FXN: variants seen among roughly 807,000 people sequenced by gnomAD.
FXN encodes the protein frataxin, mitochondrial.
A neutral mutation model predicts 22.4 loss-of-function variants in FXN; 14 were observed. The observed-to-expected ratio is 0.62, with a 90% CI of 0.41 to 0.98. The LOEUF is 0.98. FXN is among the 50% of genes least tolerant of loss of function. The pLI, the probability that FXN is intolerant of heterozygous loss-of-function variation, is 0.00. For synonymous variants in FXN, 120 were observed against 114.1 expected (o/e 1.05, Z -0.33); for missense variants, 267 against 268.4 (o/e 0.99, Z 0.04).
At chr9:69,055,319 G>A (rs1831935955) in intron 3 of FXN, among the ~76,000 whole-genome samples, 1 of 152,102 alleles carries the variant, frequency 6.6e-6, no homozygotes, top group Admixed American at 6.5e-5. Flanking sequence ...CCAAGTTGCA[G>A]GCTAAACTCT....
intron 1 of FXN, among the ~76,000 whole-genome samples, chr9:69,045,869 G>A (rs552240680): frequency 2.6e-5 from 4 of 152,252 alleles, no homozygotes; most frequent in Admixed American, 1.3e-4. Context: ...TGCTAGTTCC[G>A]TGCATACTCT....
chr9:69,065,848 T>C (rs1471852242), intron 4 of FXN, among the ~76,000 whole-genome samples: 2 of 152,256 alleles, frequency 1.3e-5, no homozygotes, highest in Non-Finnish European at 2.9e-5. Flanking sequence ...AAGTTAAAGT[T>C]TGACCTCTAC....
chr9:69,053,632 C>T (rs1831901277), intron 3 of FXN, among the ~76,000 whole-genome samples: 1 of 152,174 alleles, frequency 6.6e-6, no homozygotes, highest in Non-Finnish European at 1.5e-5. Flanking sequence ...GTCACTCAGC[C>T]TCTCTGAGCC....
At chr9:69,040,946 G>T (rs1190783498) in intron 1 of FXN, among the ~76,000 whole-genome samples, 1 of 152,162 alleles carries the variant, frequency 6.6e-6, no homozygotes, top group Non-Finnish European at 1.5e-5. Flanking sequence ...AGCTGTTGGT[G>T]CATTGATCTT....
chr9:69,066,574 C>T (rs1299963447), intron 4 of FXN, among the ~76,000 whole-genome samples: 1 of 152,142 alleles, frequency 6.6e-6, no homozygotes, highest in African/African-American at 2.4e-5. Flanking sequence ...CTCAGTCATT[C>T]TTCCTGACCC....
chr9:69,078,760 G>A lies in FXN; in HGVS notation c.*5998G>A, dbSNP rs147104515. On this transcript the variant is annotated 3_prime_UTR_variant, in exon 5 of 5. Coordinates refer to ENST00000484259, the MANE Select transcript of FXN (RefSeq NM_000144.5). ...TATTCCCCACATCTCTGCCTGGGGG[G>A]TAGATTCTACCCTGAAAAATGTTCT... is the stretch of plus-strand genomic sequence containing the variant. The A allele has an allele frequency of 9.2e-5, 91 of 985,588 alleles. No individual in the cohort carries two copies. The African/African-American group carries it at 1.5e-3, about 16-fold the overall frequency. The allele number at this position is 985,588 out of a possible 1,614,324, so 61.1% of individuals were successfully genotyped here. A position where few individuals can be genotyped will look rare whatever the true frequency, so the allele number is the denominator to read the frequency against.
Position 69,074,532 on chromosome 9 carries a change from A to G in FXN, c.*1770A>G. ...GAGACTCCGTCTCAAAAAAAAAAAA[A>G]AGGAGGGTTTATTAATGAGAAGTTT... is the stretch of plus-strand genomic sequence containing the variant. On this transcript the variant is annotated 3_prime_UTR_variant, in exon 5 of 5. Transcript: ENST00000484259. The G allele has an allele frequency of 1.1e-6, 1 of 943,720 alleles. No individual in the cohort carries two copies. The highest frequency in any genetic ancestry group is 1.3e-6 in the Non-Finnish European group (1 of 794,370). 58.5% of individuals were successfully genotyped at this position (943,720 alleles called of 1,614,324 possible).
rs1322379015 is a variant in FXN, at chr9:69,048,681, C to G, written c.263+2199C>G. Among the ~76,000 whole-genome samples the G allele has an allele frequency of 2.6e-5, 4 of 152,156 alleles. No individual in the cohort carries two copies. The East Asian group carries it at 7.7e-4, about 29-fold the overall frequency. ...TGTGCAGCCTTTTATCTCCAATGCT[C>G]CATTTCATTCCATCTCCTGGCTTAT... On this transcript the variant is annotated intron_variant, in intron 2 of 4. Transcript: ENST00000484259.
At chr9:69,063,975 C>G (rs925916264) in intron 3 of FXN, among the ~76,000 whole-genome samples, 1 of 152,208 alleles carries the variant, frequency 6.6e-6, no homozygotes, top group Non-Finnish European at 1.5e-5. Context: ...TGAGCCATGC[C>G]TGGCCTAAAT....
chr9:69,078,385 G>A lies in FXN; in HGVS notation c.*5623G>A. 2 of 985,412 alleles carry A rather than the reference G, an allele frequency of 2.0e-6. No homozygotes were observed. Among genetic ancestry groups the A allele is most frequent in the Non-Finnish European group, 2.4e-6 (2 of 829,962 alleles). 61.0% of individuals were successfully genotyped at this position (985,412 alleles called of 1,614,324 possible). A position where few individuals can be genotyped will look rare whatever the true frequency, so the allele number is the denominator to read the frequency against. ...CTGCCCTCTCCTGCCCGTCCCCAGT[G>A]GAGGTCCTCATCATTTTTCACCTGC... On this transcript the variant is annotated 3_prime_UTR_variant, in exon 5 of 5. Coordinates refer to ENST00000484259, the MANE Select transcript of FXN (RefSeq NM_000144.5).
intron 4 of FXN, chr9:69,071,229 T>C (rs746961433): frequency 1.9e-5 from 10 of 518,942 alleles, no homozygotes; most frequent in South Asian, 1.4e-4. Flanking sequence ...CTTGGTGTGG[T>C]TTATTAGTCC....
chr9:69,070,876 G>T (rs1832261425), intron 4 of FXN, among the ~76,000 whole-genome samples: 1 of 149,318 alleles, frequency 6.7e-6, no homozygotes, highest in Non-Finnish European at 1.5e-5. Flanking sequence ...TCACTTTGTT[G>T]CCTAGGTTGG....
chr9:69,036,111 C>T (rs965284662), intron 1 of FXN, 164 bp downstream of exon 1: 2 of 447,134 alleles, frequency 4.5e-6, no homozygotes, highest in African/African-American at 2.1e-5. Context: ...GGCCTTGCAA[C>T]TCCCTTCTCT....
intron 3 of FXN, among the ~76,000 whole-genome samples, chr9:69,060,337 C>T (rs1224640697): frequency 1.3e-5 from 2 of 151,352 alleles, no homozygotes; most frequent in African/African-American, 4.9e-5. Context: ...AGCCACTGCA[C>T]TCTAGCCTGG....
At position 69,074,814 on chromosome 9, in the gene FXN, A is replaced by G. The variant is rs1338868676; in HGVS notation, c.*2052A>G. ...TAGGTAAAATATTTTTTCTGAAATA[A>G]AATTATTTTTTGAGTCTGATGGAAA... On this transcript the variant is annotated 3_prime_UTR_variant, in exon 5 of 5. Transcript: ENST00000484259. 4 of 963,232 alleles carry G rather than the reference A, an allele frequency of 4.2e-6. No homozygotes were observed. Among genetic ancestry groups the G allele is most frequent in the Non-Finnish European group, 4.9e-6 (4 of 809,796 alleles). 59.7% of individuals were successfully genotyped at this position (963,232 alleles called of 1,614,324 possible).
In FXN at chr9:69,072,824, A is replaced by G; in HGVS notation, c.*62A>G. On this transcript the variant is annotated 3_prime_UTR_variant, in exon 5 of 5. Transcript: ENST00000484259. The stretch of plus-strand genomic sequence containing the variant: ...GGCCAAGACCCCAGCTTCATTATGC[A>G]GCTGAGGTCTGTTTTTTGTTGTTGT... 1 of 1,609,720 alleles carries G rather than the reference A, an allele frequency of 6.2e-7. No individual in the cohort carries two copies. The highest frequency in any genetic ancestry group is 8.5e-7 in the Non-Finnish European group (1 of 1,179,222).
At position 69,073,455 on chromosome 9, in the gene FXN, A is replaced by G; in HGVS notation, c.*693A>G. ...GGTTAGTATGGAATCAGCTGCTACA[A>G]GAATGCAAAAAATCTTCCAAAGACA... On this transcript the variant is annotated 3_prime_UTR_variant, in exon 5 of 5. Transcript: ENST00000484259. The G allele has an allele frequency of 1.0e-6, 1 of 985,480 alleles. No homozygotes were observed. Among genetic ancestry groups the G allele is most frequent in the Non-Finnish European group, 1.2e-6 (1 of 829,990 alleles). 61.0% of individuals were successfully genotyped at this position (985,480 alleles called of 1,614,324 possible).
At chr9:69,059,389 A>ATTTTTTTT (rs1329506700) in intron 3 of FXN, among the ~76,000 whole-genome samples, 1 of 50,010 alleles carries the variant, frequency 2.0e-5, no homozygotes, top group Non-Finnish European at 4.3e-5. Context: ...CAGAGGCAGC[A>ATTTTTTTT]TCTTTTTTTT....
At position 69,072,876 on chromosome 9, in the gene FXN, T is replaced by G. The variant is rs1832299780; in HGVS notation, c.*114T>G. The G allele has an allele frequency of 6.3e-7, 1 of 1,580,210 alleles. No individual in the cohort carries two copies. Among genetic ancestry groups the G allele is most frequent in the Non-Finnish European group, 8.6e-7 (1 of 1,168,354 alleles). ...GTTGTTTATTTTTTTTATTCCTGCT[T>G]TTGAGGACAGTTGGGCTATGTGTCA... On this transcript the variant is annotated 3_prime_UTR_variant, in exon 5 of 5. Coordinates refer to ENST00000484259, the MANE Select transcript of FXN (RefSeq NM_000144.5).
Sources: gnomAD v4.1 joint callset for allele counts (sites outside exome capture counted in the v4.1 genomes callset) on GRCh38, gnomAD v4.1.1 for gene constraint, MANE v1.5 for transcripts, NCBI Gene and HGNC (gene_info 2026-07-23, HGNC 2026-07-21) for gene names.